NDFIP2: variants seen among roughly 807,000 people sequenced by gnomAD.
NDFIP2 encodes the protein NEDD4 family-interacting protein 2.
A neutral mutation model predicts 36.0 loss-of-function variants in NDFIP2; 19 were observed. The observed-to-expected ratio is 0.53, with a 90% confidence interval of 0.37 to 0.77. NDFIP2 has a LOEUF of 0.77. NDFIP2 is among the 30% of genes least tolerant of loss of function. The pLI is 0.00. For synonymous variants in NDFIP2, 181 were observed against 167.7 expected, an observed-to-expected ratio of 1.08 and a Z score of -0.61; for missense variants, 446 against 435.8, an observed-to-expected ratio of 1.02 and a Z score of -0.21.
At chr13:79,521,070 A>G (rs1347547241) in intron 2 of NDFIP2, 95 bp downstream of exon 2, 3 of 996,772 alleles carry the variant, frequency 3.0e-6, no homozygotes, top group East Asian at 5.1e-5. Flanking sequence ...GCTTATAAAC[A>G]TATATACACA....
intron 1 of NDFIP2, among the ~76,000 whole-genome samples, chr13:79,514,501 C>T (rs531044881): frequency 1.3e-5 from 2 of 149,132 alleles, no homozygotes; most frequent in African/African-American, 5.1e-5. Context: ...GATAAGTACT[C>T]TGAAGAACAG....
At chr13:79,528,872 CAT>C (rs1188035573) in intron 2 of NDFIP2, among the ~76,000 whole-genome samples, 1 of 152,168 alleles carries the variant, frequency 6.6e-6, no homozygotes, top group Non-Finnish European at 1.5e-5. Flanking sequence ...TTGCTTAACA[CAT>C]GTCTCAGAAC....
intron 1 of NDFIP2, among the ~76,000 whole-genome samples, chr13:79,506,244 G>A (rs560551493): frequency 4.6e-5 from 7 of 152,146 alleles, no homozygotes; most frequent in South Asian, 2.1e-4. Context: ...TACCTATTTC[G>A]TCTATTAACA....
At chr13:79,486,909 A>G (rs1051039398) in intron 1 of NDFIP2, among the ~76,000 whole-genome samples, 4 of 152,184 alleles carry the variant, frequency 2.6e-5, no homozygotes, top group African/African-American at 9.6e-5. Context: ...ACGGCATAGT[A>G]TGTAGTAGGC....
intron 3 of NDFIP2, among the ~76,000 whole-genome samples, chr13:79,537,932 C>G (rs1875305036): frequency 6.6e-6 from 1 of 152,166 alleles, no homozygotes; most frequent in African/African-American, 2.4e-5. Flanking sequence ...TACAGTTCTG[C>G]AGACTGTATA....
chr13:79,494,526 T>C (rs2140737322), intron 1 of NDFIP2, among the ~76,000 whole-genome samples: 1 of 152,194 alleles, frequency 6.6e-6, no homozygotes, highest in East Asian at 1.9e-4. Context: ...TTTTGCATGG[T>C]CAAAGGCATT....
At chr13:79,543,780 C>G in intron 5 of NDFIP2, 98 bp downstream of exon 5, 1 of 1,441,000 alleles carries the variant, frequency 6.9e-7, no homozygotes, top group Non-Finnish European at 9.4e-7. Flanking sequence ...TTCATGAATT[C>G]AGTTATTTCA....
At chr13:79,519,861 C>T (rs1023181227) in intron 1 of NDFIP2, among the ~76,000 whole-genome samples, 9 of 152,306 alleles carry the variant, frequency 5.9e-5, no homozygotes, top group Middle Eastern at 3.4e-3. Flanking sequence ...AGTGCATTGG[C>T]GCAATTTTGG....
chr13:79,531,393 C>G (rs927317676), intron 2 of NDFIP2, among the ~76,000 whole-genome samples: 1 of 152,122 alleles, frequency 6.6e-6, no homozygotes, highest in Admixed American at 6.5e-5. Flanking sequence ...TGAATTAAAT[C>G]CTTATAAGAG....
At chr13:79,516,537 A>G (rs1874342042) in intron 1 of NDFIP2, among the ~76,000 whole-genome samples, 1 of 152,170 alleles carries the variant, frequency 6.6e-6, no homozygotes, top group Admixed American at 6.5e-5. Flanking sequence ...TATTGAGCTA[A>G]TATTTATCTC....
intron 7 of NDFIP2, among the ~76,000 whole-genome samples, chr13:79,551,822 C>A (rs1222033458): frequency 6.6e-6 from 1 of 151,196 alleles, no homozygotes; most frequent in African/African-American, 2.4e-5. Flanking sequence ...ACCTCATACT[C>A]CCTATTCTAC....
At chr13:79,503,291 TC>T (rs1454881915) in intron 1 of NDFIP2, among the ~76,000 whole-genome samples, 1 of 152,104 alleles carries the variant, frequency 6.6e-6, no homozygotes, top group Non-Finnish European at 1.5e-5. Context: ...ACCTACATAG[TC>T]ACGTGATTTG....
rs1290034318 is a variant in NDFIP2 at position 79,500,648 on chromosome 13, A to G, written c.321+19124A>G. Reference sequence around the variant, plus strand: ...ATACCTGTTACGATGGCCCAAATTCAGAACGCTGACAACAACAGATTCTTC... The same window carrying G: ...ATACCTGTTACGATGGCCCAAATTCGGAACGCTGACAACAACAGATTCTTC... On this transcript the variant is annotated intron_variant, in intron 1 of 7. Transcript: ENST00000218652. Among the ~76,000 whole-genome samples the G allele has an allele frequency of 2.6e-5, 4 of 152,044 alleles. No homozygotes were observed. The East Asian group carries it at 5.8e-4, about 22-fold the overall frequency.
chr13:79,550,335 G>A (rs1224940704), intron 6 of NDFIP2, among the ~76,000 whole-genome samples: 1 of 151,654 alleles, frequency 6.6e-6, no homozygotes, highest in Non-Finnish European at 1.5e-5. Context: ...TTACAAAGGA[G>A]AAAACTGAGG....
chr13:79,551,021 G>C lies in NDFIP2; in HGVS notation c.912G>C (p.Leu304=). 1.3e-6 allele frequency: 2 copies of C among 1,591,168 alleles called. No individual in the cohort carries two copies. Among genetic ancestry groups the C allele is most frequent in the African/African-American group, 1.4e-5 (1 of 74,022 alleles). The change falls in exon 7 of 8, where the codon CTG becomes CTC. Residue 304 remains leucine (L), a synonymous_variant. Coordinates refer to ENST00000218652, the MANE Select transcript of NDFIP2 (RefSeq NM_019080.3). ...ATATTATTTCAACCTTCTCAGGCCT[G>C]CTCCTTTTCTTCAGAGGATTTGTTA... The part of the protein sequence containing the change: ...WLWWIFLVLG[L]LLFFRGFVNY...
intron 2 of NDFIP2, among the ~76,000 whole-genome samples, chr13:79,523,200 A>G (rs1333937387): frequency 1.3e-5 from 2 of 152,062 alleles, no homozygotes; most frequent in Non-Finnish European, 2.9e-5. Flanking sequence ...TTTTTTCTAT[A>G]CATACTGTTG....
At chr13:79,534,063 G>T (rs956318885) in intron 3 of NDFIP2, among the ~76,000 whole-genome samples, 2 of 152,068 alleles carry the variant, frequency 1.3e-5, no homozygotes, top group South Asian at 4.1e-4. Flanking sequence ...GGCCCCTCAT[G>T]TGTTAGCCTT....
chr13:79,548,181 A>T lies in NDFIP2; in HGVS notation c.841-147A>T, dbSNP rs552509560. ...TAATTTATATATGTGTATGCTGTGT[A>T]TGCCATTAAGTGTTTTTATTTTTCC... is the stretch of plus-strand genomic sequence containing the variant. On this transcript the variant is annotated intron_variant, in intron 5 of 7. Coordinates refer to ENST00000218652, the MANE Select transcript of NDFIP2 (RefSeq NM_019080.3). The T allele has an allele frequency of 1.8e-4, 118 of 653,640 alleles. No individual in the cohort carries two copies. The Middle Eastern group carries it at 4.2e-3, about 23-fold the overall frequency. 40.5% of individuals were successfully genotyped at this position (653,640 alleles called of 1,614,324 possible). A position where few individuals can be genotyped will look rare whatever the true frequency, so the allele number is the denominator to read the frequency against.
intron 7 of NDFIP2, among the ~76,000 whole-genome samples, chr13:79,551,417 A>G (rs937753014): frequency 2.6e-5 from 4 of 151,476 alleles, no homozygotes; most frequent in Non-Finnish European, 4.4e-5. Context: ...CATAGAATGT[A>G]TATGAAGTAA....
Sources: gnomAD v4.1 joint callset for allele counts (sites outside exome capture counted in the v4.1 genomes callset) on GRCh38, gnomAD v4.1.1 for gene constraint, MANE v1.5 for transcripts, NCBI Gene and HGNC (gene_info 2026-07-23, HGNC 2026-07-21) for gene names.